RPS6KA1: variants seen among roughly 807,000 people sequenced by gnomAD.
RPS6KA1 encodes ribosomal protein S6 kinase A1.
Under a neutral mutation model 91.3 loss-of-function variants are expected in RPS6KA1, and 48 were observed. The observed-to-expected ratio is 0.53, with a 90% CI of 0.42 to 0.67. The LOEUF (loss-of-function observed/expected upper bound fraction) is 0.67, where lower values mean the gene tolerates loss of function less well. RPS6KA1 is among the 30% of genes least tolerant of loss of function. The pLI is 0.00. For missense variants in RPS6KA1, 719 were observed against 960.5 expected, an observed-to-expected ratio of 0.75 and a Z score of 3.32; for synonymous variants, 359 against 384.7, an observed-to-expected ratio of 0.93 and a Z score of 0.78.
At position 26,554,451 on chromosome 1, in the gene RPS6KA1, C is replaced by T. The variant is rs1163285667; in HGVS notation, c.614-145C>T. The T allele has an allele frequency of 1.6e-6, 2 of 1,217,910 alleles. No homozygotes were observed. The highest frequency in any genetic ancestry group is 2.3e-6 in the Non-Finnish European group (2 of 857,884). The allele number at this position is 1,217,910 out of a possible 1,614,324, so 75.4% of individuals were successfully genotyped here. A position where few individuals can be genotyped will look rare whatever the true frequency, so the allele number is the denominator to read the frequency against. ...TCATTGTGTAACGTTGAGCAAGTCA[C>T]CTGACCTCTCTGGGCCTTAGCTTCC... On this transcript the variant is annotated intron_variant, in intron 8 of 21. Transcript: ENST00000374168. This position sits in a 1 kb window ranked among gnomAD's most constrained non-coding sequence, Gnocchi z 4.6.
Position 26,571,308 on chromosome 1 carries a change from C to T in RPS6KA1, c.1591-141C>T. Reference sequence around the variant, plus strand: ...GCAGCAATAAGACCATCATTTCAGCCCCTTCCCCTTCTCTCGGATGCCAAG... The same window carrying T: ...GCAGCAATAAGACCATCATTTCAGCTCCTTCCCCTTCTCTCGGATGCCAAG... On this transcript the variant is annotated intron_variant, in intron 17 of 21. Transcript: ENST00000374168. The surrounding 1 kb of genome is among the most constrained non-coding windows in gnomAD (Gnocchi z 5.1). The T allele has an allele frequency of 1.4e-6, 1 of 717,760 alleles. No individual in the cohort carries two copies. The highest frequency in any genetic ancestry group is 1.8e-5 in the South Asian group (1 of 55,286). 44.5% of individuals were successfully genotyped at this position (717,760 alleles called of 1,614,324 possible).
At position 26,544,020 on chromosome 1, in the gene RPS6KA1, T is replaced by A. The variant is rs553160954; in HGVS notation, c.109-2847T>A. The stretch of plus-strand genomic sequence containing the variant: ...GTCTGCAAGAAATACGAGAGTCCTC[T>A]CCTGAGTGGTGGGAGTTTGCAGATT... On this transcript the variant is annotated intron_variant, in intron 2 of 21. Coordinates refer to ENST00000374168, the MANE Select transcript of RPS6KA1 (RefSeq NM_002953.4). The A allele has an allele frequency of 4.3e-3, 1,956 of 454,348 alleles. 52 individuals are homozygous for A. Among genetic ancestry groups the A allele is most frequent in the South Asian group, 0.03 (1,910 of 64,522 alleles). The allele number at this position is 454,348 out of a possible 1,614,324, so 28.1% of individuals were successfully genotyped here.
chr1:26,555,350 C>T lies in RPS6KA1; in HGVS notation c.827+129C>T, dbSNP rs1346079975. 16 of 1,053,608 alleles carry T rather than the reference C, an allele frequency of 1.5e-5. No homozygotes were observed. The highest frequency in any genetic ancestry group is 2.1e-5 in the Non-Finnish European group (15 of 710,040). The allele number at this position is 1,053,608 out of a possible 1,614,324, so 65.3% of individuals were successfully genotyped here. Reference sequence around the variant, plus strand: ...TAATGAGACTCTCCTCTGGGTTAAACATTATACCTTCCAGAGCCCCTCTTT... The same window carrying T: ...TAATGAGACTCTCCTCTGGGTTAAATATTATACCTTCCAGAGCCCCTCTTT... On this transcript the variant is annotated intron_variant, in intron 10 of 21. Coordinates refer to ENST00000374168, the MANE Select transcript of RPS6KA1 (RefSeq NM_002953.4). The surrounding 1 kb of genome is among the most constrained non-coding windows in gnomAD (Gnocchi z 4.3).
intron 1 of RPS6KA1, among the ~76,000 whole-genome samples, chr1:26,536,101 C>T (rs1266795833): frequency 6.9e-6 from 1 of 145,820 alleles, no homozygotes; most frequent in Non-Finnish European, 1.5e-5. Context: ...TTGCAGTGAG[C>T]TGCGATTGCA....
Position 26,571,669 on chromosome 1 carries a change from C to G in RPS6KA1, c.1752+59C>G. 6.3e-7 allele frequency: 1 copy of G among 1,580,316 alleles called. No homozygotes were observed. Among genetic ancestry groups the G allele is most frequent in the South Asian group, 1.1e-5 (1 of 87,690 alleles). ...AGGGGGAATTGGAGGCCTTGTGCCC[C>G]CTCCCAGAGGCCCCACATTAGCCGG... On this transcript the variant is annotated intron_variant, in intron 18 of 21. Coordinates refer to ENST00000374168, the MANE Select transcript of RPS6KA1 (RefSeq NM_002953.4). This position sits in a 1 kb window ranked among gnomAD's most constrained non-coding sequence, Gnocchi z 5.1.
At chr1:26,556,390 C>T in intron 11 of RPS6KA1, among the ~76,000 whole-genome samples, 1 of 152,202 alleles carries the variant, frequency 6.6e-6, no homozygotes, top group Admixed American at 6.5e-5. Flanking sequence ...ACTGTGTGGC[C>T]TTGGAGAAGT....
Position 26,529,871 on chromosome 1 carries a change from C to T in RPS6KA1, c.-50C>T. 3 of 1,374,316 alleles carry T rather than the reference C, an allele frequency of 2.2e-6. No homozygotes were observed. The highest frequency in any genetic ancestry group is 2.8e-6 in the Non-Finnish European group (3 of 1,054,966). The allele number at this position is 1,374,316 out of a possible 1,614,324, so 85.1% of individuals were successfully genotyped here. A position where few individuals can be genotyped will look rare whatever the true frequency, so the allele number is the denominator to read the frequency against. ...GCCAGGGACCCCAGGACCCGGGAGG[C>T]GGCGCAGCCGGGGCCGCCGGAGGAG... is the stretch of plus-strand genomic sequence containing the variant. On this transcript the variant is annotated 5_prime_UTR_variant, in exon 1 of 22. Transcript: ENST00000374168. This position sits in a 1 kb window ranked among gnomAD's most constrained non-coding sequence, Gnocchi z 4.2.
chr1:26,537,072 C>A, intron 2 of RPS6KA1, 103 bp downstream of exon 2: 1 of 1,228,090 alleles, frequency 8.1e-7, no homozygotes, highest in Non-Finnish European at 1.2e-6. Flanking sequence ...CTTTGCCCAA[C>A]TCAGCCGTCC....
In RPS6KA1 at chr1:26,562,825, C is replaced by CCT. The variant is rs1553133561; in HGVS notation, c.1590+1162_1590+1163insCT. 3.3e-3 allele frequency among the ~76,000 whole-genome samples: 266 copies of CCT among 81,436 alleles called. 13 individuals carry two copies. The highest frequency in any genetic ancestry group is 3.9e-3 in the South Asian group (7 of 1,806). The allele number at this position is 81,436 out of a possible 152,430, so 53.4% of individuals were successfully genotyped here. ...ATAGACACATTTTTCTCCTATTGTC[C>CCT]TTTTTTTTTTTTTTTTTTTTTTTTT... On this transcript the variant is annotated intron_variant, in intron 17 of 21. Transcript: ENST00000374168.
chr1:26,560,625 T>G (rs1336208006), intron 14 of RPS6KA1, 101 bp from the exon 15 acceptor site: 22 of 1,473,864 alleles, frequency 1.5e-5, no homozygotes, highest in Non-Finnish European at 2.0e-5. Context: ...CTCCTGGCCC[T>G]TCCCTGGTGC....
Position 26,554,681 on chromosome 1 carries a change from C to T in RPS6KA1, c.699C>T (p.Val233=), listed in dbSNP as rs781323095. The T allele has an allele frequency of 1.9e-6, 3 of 1,613,226 alleles. No individual in the cohort carries two copies. Among genetic ancestry groups the T allele is most frequent in the South Asian group, 1.1e-5 (1 of 91,052 alleles). The change falls in exon 9 of 22, where the codon GTC becomes GTT. Residue 233 remains valine (V), a synonymous_variant. Coordinates refer to ENST00000374168, the MANE Select transcript of RPS6KA1 (RefSeq NM_002953.4). The surrounding 1 kb of genome is among the most constrained non-coding windows in gnomAD (Gnocchi z 4.6). ...CGTVEYMAPE[V]VNRQGHSHSA... is the part of the protein sequence containing the mutation. Reference sequence around the variant, plus strand: ...CAGTGGAGTACATGGCCCCTGAGGTCGTCAACCGCCAGGGCCACTCCCATA... The same window carrying T: ...CAGTGGAGTACATGGCCCCTGAGGTTGTCAACCGCCAGGGCCACTCCCATA...
intron 13 of RPS6KA1, 74 bp downstream of exon 13, chr1:26,557,174 G>A (rs534524721): frequency 3.3e-6 from 4 of 1,199,064 alleles, no homozygotes; most frequent in African/African-American, 3.0e-5. Context: ...CAGCTTGGGG[G>A]GCAGAGATAG....
In RPS6KA1 at chr1:26,551,214, G is replaced by A. The variant is rs1274231905; in HGVS notation, c.308-183G>A. ...GGGGTGGGGACAAGGAGCCAGCCAA[G>A]GAGCCAGAAACAGACTGGCAAGGAG... is the stretch of plus-strand genomic sequence containing the variant. On this transcript the variant is annotated intron_variant, in intron 4 of 21. Transcript: ENST00000374168. This position sits in a 1 kb window ranked among gnomAD's most constrained non-coding sequence, Gnocchi z 4.5. Among the ~76,000 whole-genome samples the A allele has an allele frequency of 6.6e-6, 1 of 152,170 alleles. No individual in the cohort carries two copies. The highest frequency in any genetic ancestry group is 1.5e-5 in the Non-Finnish European group (1 of 68,020).
intron 13 of RPS6KA1, among the ~76,000 whole-genome samples, chr1:26,557,432 A>G (rs1039290665): frequency 1.3e-5 from 2 of 152,180 alleles, no homozygotes; most frequent in Non-Finnish European, 2.9e-5. Context: ...CAGGCTTACC[A>G]TCACGTCAGG....
intron 1 of RPS6KA1, chr1:26,530,883 T>C (rs1433625437): frequency 3.1e-6 from 4 of 1,274,706 alleles, no homozygotes; most frequent in South Asian, 1.2e-5. Flanking sequence ...CTCCTTAACC[T>C]CTTGCTGGGA....
chr1:26,565,765 T>C (rs1464005570), intron 17 of RPS6KA1, among the ~76,000 whole-genome samples: 1 of 152,146 alleles, frequency 6.6e-6, no homozygotes, highest in Non-Finnish European at 1.5e-5. Context: ...TTTCACCATG[T>C]TGGCCAGGCT....
At chr1:26,566,767 G>T (rs11577405) in intron 17 of RPS6KA1, among the ~76,000 whole-genome samples, 36,640 of 152,054 alleles carry the variant, frequency 0.24, 4,942 homozygotes, top group Middle Eastern at 0.31. Context: ...TTAATATGTG[G>T]AGTCTTCTTA....
chr1:26,564,252 T>C (rs1445596387), intron 17 of RPS6KA1, among the ~76,000 whole-genome samples: 1 of 152,208 alleles, frequency 6.6e-6, no homozygotes, highest in Non-Finnish European at 1.5e-5. Flanking sequence ...TTTTATTTAA[T>C]TAATTAATTT....
chr1:26,572,027 G>A (rs966860517), intron 19 of RPS6KA1, 102 bp downstream of exon 19: 2 of 1,381,486 alleles, frequency 1.4e-6, no homozygotes, highest in African/African-American at 2.8e-5. Flanking sequence ...CCCGCCCCAG[G>A]ATGGTCTGGA....
Sources: allele counts gnomAD v4.1 joint callset (sites outside exome capture counted in the v4.1 genomes callset), GRCh38; gene constraint gnomAD v4.1.1; non-coding constraint Gnocchi (gnomAD v3.1); transcripts MANE v1.5; gene names NCBI Gene and HGNC (gene_info 2026-07-23, HGNC 2026-07-21).